NWD2: variants seen among roughly 807,000 people sequenced by gnomAD.
NWD2 encodes the protein NACHT and WD repeat domain-containing protein 2.
A neutral mutation model predicts 132.7 loss-of-function variants in NWD2; 37 were observed. The observed-to-expected ratio is 0.28, with a 90% CI of 0.21 to 0.37. The LOEUF (loss-of-function observed/expected upper bound fraction) is 0.37, where lower values mean the gene tolerates loss of function less well. Among genes scored for constraint, NWD2 ranks in the 10% least tolerant of loss-of-function variants. The pLI is 1.00. For missense variants in NWD2, 1,592 were observed against 2,122.4 expected, an observed-to-expected ratio of 0.75 and a Z score of 4.91; for synonymous variants, 705 against 803.0, an observed-to-expected ratio of 0.88 and a Z score of 2.06.
intron 1 of NWD2, among the ~76,000 whole-genome samples, chr4:37,277,414 G>C (rs577630093): frequency 6.6e-6 from 1 of 151,702 alleles, no homozygotes; most frequent in African/African-American, 2.4e-5. Flanking sequence ...TGCTATGTTT[G>C]ATGTCCCACA....
intron 2 of NWD2, among the ~76,000 whole-genome samples, chr4:37,347,347 T>G (rs1719656896): frequency 6.6e-6 from 1 of 152,184 alleles, no homozygotes; most frequent in Admixed American, 6.6e-5. Flanking sequence ...TTGTCAAGTC[T>G]TCTAATTTTA....
intron 3 of NWD2, among the ~76,000 whole-genome samples, chr4:37,417,082 C>T (rs1327587829): frequency 6.6e-6 from 1 of 152,098 alleles, no homozygotes; most frequent in Non-Finnish European, 1.5e-5. Context: ...TAACCAATAC[C>T]ACCTGTTCCC....
At chr4:37,292,126 A>C (rs1280415079) in intron 1 of NWD2, among the ~76,000 whole-genome samples, 2 of 152,110 alleles carry the variant, frequency 1.3e-5, no homozygotes, top group Non-Finnish European at 2.9e-5. Context: ...CCTTGGCCCC[A>C]CTTGTGAGGT....
chr4:37,443,986 C>A lies in NWD2; in HGVS notation c.1998C>A (p.Thr666=). 6.4e-7 allele frequency: 1 copy of A among 1,552,302 alleles called. No individual in the cohort carries two copies. The highest frequency in any genetic ancestry group is 8.7e-7 in the Non-Finnish European group (1 of 1,147,140). The change falls in exon 7 of 7, where the codon ACC becomes ACA. Residue 666 remains threonine (T), a synonymous_variant. Coordinates refer to ENST00000309447, the MANE Select transcript of NWD2 (RefSeq NM_001144990.2). The surrounding 1 kb of genome is among the most constrained non-coding windows in gnomAD (Gnocchi z 4.1). The part of the protein sequence containing the change: ...KLVSRALGYI[T]MAKMGLSEME... ...TCTCTAGGGCTCTTGGTTACATCACCATGGCCAAAATGGGTCTGAGTGAAA... is the reference window on the plus strand; with the variant it reads ...TCTCTAGGGCTCTTGGTTACATCACAATGGCCAAAATGGGTCTGAGTGAAA...
intron 1 of NWD2, among the ~76,000 whole-genome samples, chr4:37,313,578 A>G (rs1035252002): frequency 6.6e-6 from 1 of 150,998 alleles, no homozygotes; most frequent in African/African-American, 2.5e-5. Context: ...TCAAAAAACC[A>G]GCTCTTGGAT....
intron 2 of NWD2, among the ~76,000 whole-genome samples, chr4:37,327,760 A>G (rs1380326508): frequency 6.6e-6 from 1 of 152,088 alleles, no homozygotes; most frequent in African/African-American, 2.4e-5. Flanking sequence ...CTAAGGATAT[A>G]TTTTTTAGAG....
rs2109330987 is a variant in NWD2 at position 37,443,671 on chromosome 4, T to C, written c.1683T>C (p.His561=). The C allele has an allele frequency of 1.3e-6, 2 of 1,552,096 alleles. No individual in the cohort carries two copies. Among genetic ancestry groups the C allele is most frequent in the Non-Finnish European group, 1.7e-6 (2 of 1,147,108 alleles). Residue 561 remains histidine, a synonymous_variant, in exon 7 of 7, where the codon CAT becomes CAC. Transcript: ENST00000309447. This position sits in a 1 kb window ranked among gnomAD's most constrained non-coding sequence, Gnocchi z 4.1. ...GILQKLRCLI[H]EEDNYIELIP... ...TGCAGAAACTAAGGTGCCTTATCCA[T>C]GAAGAAGACAACTACATCGAGCTGA...
chr4:37,268,678 T>C (rs1717808129), intron 1 of NWD2, among the ~76,000 whole-genome samples: 1 of 151,708 alleles, frequency 6.6e-6, no homozygotes, highest in Admixed American at 6.6e-5. Flanking sequence ...GCTAAGAGCC[T>C]TGAAAAAGCT....
At chr4:37,275,146 GT>G (rs1291407217) in intron 1 of NWD2, among the ~76,000 whole-genome samples, 4 of 152,178 alleles carry the variant, frequency 2.6e-5, no homozygotes, top group Non-Finnish European at 5.9e-5. Context: ...AATTGTCCCT[GT>G]TTGTAAATGG....
intron 3 of NWD2, among the ~76,000 whole-genome samples, chr4:37,419,978 CTCTG>C (rs1711755857): frequency 3.3e-5 from 5 of 152,172 alleles, no homozygotes; most frequent in African/African-American, 1.2e-4. Flanking sequence ...TTTATTGGCA[CTCTG>C]TCTGAGAGTG....
intron 5 of NWD2, 94 bp from the exon 6 acceptor site, chr4:37,438,707 A>G (rs1712394035): frequency 1.1e-5 from 9 of 803,962 alleles, no homozygotes; most frequent in Non-Finnish European, 1.7e-5. Flanking sequence ...AAGCAAAATA[A>G]TTTACCACTA....
intron 2 of NWD2, among the ~76,000 whole-genome samples, chr4:37,349,848 G>C (rs1049974579): frequency 6.6e-6 from 1 of 152,158 alleles, no homozygotes; most frequent in African/African-American, 2.4e-5. Flanking sequence ...AATACATCTT[G>C]AGTTAATTTT....
intron 1 of NWD2, among the ~76,000 whole-genome samples, chr4:37,256,074 A>G (rs1717512925): frequency 6.6e-6 from 1 of 152,250 alleles, no homozygotes; most frequent in Admixed American, 6.5e-5. Context: ...TTTCTGAATC[A>G]GTAGCAGTGC....
chr4:37,421,915 G>A (rs1441455417), intron 3 of NWD2, among the ~76,000 whole-genome samples: 1 of 152,086 alleles, frequency 6.6e-6, no homozygotes. Flanking sequence ...TTCCAGTGAG[G>A]GCTGTCTTTC....
Position 37,439,804 on chromosome 4 carries a change from C to T in NWD2, c.1296+414C>T, listed in dbSNP as rs61734239. 0.016 allele frequency among the ~76,000 whole-genome samples: 2,459 copies of T among 152,330 alleles called. 64 individuals are homozygous for T. Among genetic ancestry groups the T allele is most frequent in the African/African-American group, 0.056 (2,335 of 41,562 alleles). On this transcript the variant is annotated intron_variant, in intron 6 of 6. Coordinates refer to ENST00000309447, the MANE Select transcript of NWD2 (RefSeq NM_001144990.2). This position sits in a 1 kb window ranked among gnomAD's most constrained non-coding sequence, Gnocchi z 4.5. ...AGGTAAAAATGAAAATATCAGTCTACACCTTTCTTCCCCATCTGGGGCCTC... is the reference window on the plus strand; with the variant it reads ...AGGTAAAAATGAAAATATCAGTCTATACCTTTCTTCCCCATCTGGGGCCTC...
intron 1 of NWD2, among the ~76,000 whole-genome samples, chr4:37,288,240 C>A (rs1718277775): frequency 1.3e-5 from 2 of 152,148 alleles, no homozygotes; most frequent in African/African-American, 4.8e-5. Context: ...ATGTAACAAC[C>A]CTCCACGTTT....
chr4:37,327,524 G>A (rs1269542547), intron 2 of NWD2, among the ~76,000 whole-genome samples: 2 of 152,080 alleles, frequency 1.3e-5, no homozygotes, highest in African/African-American at 4.8e-5. Flanking sequence ...AGTTCTCTAC[G>A]GGTACTGGGA....
chr4:37,407,721 AG>A (rs1214251681), intron 3 of NWD2, among the ~76,000 whole-genome samples: 2 of 152,270 alleles, frequency 1.3e-5, no homozygotes, highest in Non-Finnish European at 2.9e-5. Context: ...AGTTAAATTA[AG>A]AAATTATCCT....
At chr4:37,276,573 C>G (rs1020475755) in intron 1 of NWD2, among the ~76,000 whole-genome samples, 1 of 151,980 alleles carries the variant, frequency 6.6e-6, no homozygotes, top group Non-Finnish European at 1.5e-5. Flanking sequence ...ACCATTTGAC[C>G]CAGCCATCCT....
Sources: gnomAD v4.1 joint callset for allele counts (sites outside exome capture counted in the v4.1 genomes callset) on GRCh38, gnomAD v4.1.1 for gene constraint, Gnocchi (gnomAD v3.1) non-coding constraint, MANE v1.5 for transcripts, NCBI Gene and HGNC (gene_info 2026-07-23, HGNC 2026-07-21) for gene names.